The following FOXK2 variants were observed in gnomAD, a reference collection of about 807,000 sequenced individuals.
The protein encoded by FOXK2 is forkhead box protein K2.
Under a neutral mutation model 53.3 loss-of-function variants are expected in FOXK2, and 24 were observed. That is an observed-to-expected ratio of 0.45 (90% CI 0.33 to 0.63). The LOEUF is 0.63. FOXK2 is among the 30% of genes least tolerant of loss of function. The probability of loss-of-function intolerance (pLI) is 0.03; values close to 1 mark genes in which losing one functional copy is unlikely to be tolerated. For synonymous variants in FOXK2, 505 were observed against 407.1 expected, an observed-to-expected ratio of 1.24 and a Z score of -2.89; for missense variants, 952 against 910.5, an observed-to-expected ratio of 1.05 and a Z score of -0.59.
At chr17:82,573,536 ACT>A (rs373747209) in intron 4 of FOXK2, among the ~76,000 whole-genome samples, 9,983 of 138,506 alleles carry the variant, frequency 0.072, 349 homozygotes, top group East Asian at 0.11. Context: ...ACACACACAC[ACT>A]CTCTCTCTCT....
intron 4 of FOXK2, chr17:82,576,723 T>G: frequency 1.1e-6 from 1 of 897,684 alleles, no homozygotes; most frequent in Non-Finnish European, 1.7e-6. Context: ...TGCTCTGTAG[T>G]CCAAAACCGT....
At chr17:82,586,892 T>C (rs1256301444) in intron 7 of FOXK2, among the ~76,000 whole-genome samples, 171 bp from the exon 8 acceptor site, 1 of 152,000 alleles carries the variant, frequency 6.6e-6, no homozygotes, top group Non-Finnish European at 1.5e-5. Context: ...CGAGCGAAAC[T>C]CCATCTCAAA....
At chr17:82,587,336 T>C (rs1021740490) in intron 8 of FOXK2, 64 bp downstream of exon 8, 2 of 1,292,304 alleles carry the variant, frequency 1.5e-6, no homozygotes, top group Non-Finnish European at 2.2e-6. Context: ...CCCTTCTCAC[T>C]CGTGGTTTCG....
At chr17:82,545,285 G>A (rs72861060) in intron 1 of FOXK2, among the ~76,000 whole-genome samples, 26,776 of 152,102 alleles carry the variant, frequency 0.18, 2,739 homozygotes, top group Non-Finnish European at 0.24. Context: ...TTCCTATCCC[G>A]AATTCTAAAC....
chr17:82,577,552 C>T (rs1026023873), intron 4 of FOXK2, among the ~76,000 whole-genome samples: 11 of 152,052 alleles, frequency 7.2e-5, no homozygotes, highest in Non-Finnish European at 1.3e-4. Flanking sequence ...GTTAGGGCCC[C>T]GCCGGGCCCT....
intron 1 of FOXK2, among the ~76,000 whole-genome samples, chr17:82,533,173 A>G (rs7350893): frequency 0.21 from 32,258 of 152,142 alleles, 3,792 homozygotes; most frequent in East Asian, 0.39. Context: ...AAGTAGAAGC[A>G]GTATACTCTA....
intron 1 of FOXK2, among the ~76,000 whole-genome samples, chr17:82,551,845 T>A (rs1400063028): frequency 6.6e-6 from 1 of 152,164 alleles, no homozygotes; most frequent in Non-Finnish European, 1.5e-5. Context: ...TTATGTGCTT[T>A]AAGATGACAC....
chr17:82,590,654 C>CA (rs1017544767), intron 8 of FOXK2, among the ~76,000 whole-genome samples: 19 of 151,936 alleles, frequency 1.3e-4, no homozygotes, highest in South Asian at 2.1e-4. Context: ...CAGACCACTG[C>CA]AAAAAAATGA....
intron 1 of FOXK2, among the ~76,000 whole-genome samples, chr17:82,547,075 T>TC (rs2044633215): frequency 1.0e-5 from 1 of 97,136 alleles, no homozygotes; most frequent in Non-Finnish European, 2.0e-5. Flanking sequence ...AAAAACTCCA[T>TC]CAAAAAAAAA....
At position 82,582,831 on chromosome 17, in the gene FOXK2, A is replaced by G. The variant is rs2045080017; in HGVS notation, c.1000A>G (p.Ile334Val). The G allele has an allele frequency of 6.2e-7, 1 of 1,613,516 alleles. No individual in the cohort carries two copies. The highest frequency in any genetic ancestry group is 8.5e-7 in the Non-Finnish European group (1 of 1,179,876). ...EEPGKGSFWR[I>V]DPASESKLIE... ...ACCAGGCAAAGGCTCGTTCTGGAGG[A>G]TAGACCCAGCCTCTGAAAGCAAATT... The change falls in exon 5 of 9, where the codon ATA (isoleucine) becomes GTA (valine). Residue 334 changes from isoleucine to valine, a missense_variant. Coordinates refer to ENST00000335255, the MANE Select transcript of FOXK2 (RefSeq NM_004514.4).
intron 4 of FOXK2, among the ~76,000 whole-genome samples, chr17:82,580,028 C>G (rs2045039896): frequency 9.0e-6 from 1 of 110,838 alleles, no homozygotes; most frequent in African/African-American, 3.6e-5. Context: ...CCATGTCGCC[C>G]ATGAAGTAGC....
chr17:82,539,260 T>C (rs1044743111), intron 1 of FOXK2, among the ~76,000 whole-genome samples: 9 of 145,278 alleles, frequency 6.2e-5, no homozygotes, highest in African/African-American at 2.3e-4. Context: ...ACCCCTAATC[T>C]CAGCACTGTA....
intron 2 of FOXK2, among the ~76,000 whole-genome samples, chr17:82,566,138 G>T (rs1188342432): frequency 6.6e-6 from 1 of 152,124 alleles, no homozygotes; most frequent in African/African-American, 2.4e-5. Flanking sequence ...TTCTGGAGCG[G>T]GGTGGTGTGA....
chr17:82,519,980 C>A lies in FOXK2; in HGVS notation c.92C>A (p.Pro31Gln). The change falls in exon 1 of 9, where the codon CCG becomes CAG. Residue 31 changes from proline (P) to glutamine (Q), a missense_variant. This residue lies in a region of FOXK2 where 163 missense variants were observed against 165.5 expected (regional missense o/e 0.98). Transcript: ENST00000335255. ...GGGGAGGGGSPPGGWAVARLE... is the reference protein window; with the variant it reads ...GGGGAGGGGSQPGGWAVARLE... The stretch of plus-strand genomic sequence containing the variant: ...GGCGGGGCCGGGGGCGGCGGGTCCC[C>A]GCCGGGCGGCTGGGCCGTGGCGCGC... The A allele has an allele frequency of 1.5e-6, 2 of 1,307,666 alleles. No homozygotes were observed. Among genetic ancestry groups the A allele is most frequent in the Non-Finnish European group, 2.0e-6 (2 of 1,018,176 alleles). The allele number at this position is 1,307,666 out of a possible 1,614,324, so 81.0% of individuals were successfully genotyped here.
intron 4 of FOXK2, chr17:82,572,244 G>A (rs963961797): frequency 3.6e-5 from 6 of 166,236 alleles, no homozygotes; most frequent in Non-Finnish European, 2.6e-5. Flanking sequence ...GCATTCTCCT[G>A]TCTTCCTCAT....
chr17:82,601,088 C>A (rs2045377301), intron 8 of FOXK2: 2 of 506,536 alleles, frequency 3.9e-6, no homozygotes, highest in African/African-American at 1.9e-5. Flanking sequence ...CCCAAGGGCC[C>A]AGCCCAGGCT....
intron 4 of FOXK2, among the ~76,000 whole-genome samples, chr17:82,581,920 T>C (rs1331886033): frequency 6.6e-6 from 1 of 152,204 alleles, no homozygotes; most frequent in Non-Finnish European, 1.5e-5. Flanking sequence ...AGGGAAATTT[T>C]TCCTGTGTAC....
chr17:82,538,816 G>T (rs951268001), intron 1 of FOXK2, among the ~76,000 whole-genome samples: 1 of 152,152 alleles, frequency 6.6e-6, no homozygotes, highest in Non-Finnish European at 1.5e-5. Context: ...CCAGAGAAGG[G>T]ACTTGTACCC....
chr17:82,553,173 T>C (rs1200126445), intron 1 of FOXK2, among the ~76,000 whole-genome samples: 6 of 152,212 alleles, frequency 3.9e-5, no homozygotes, highest in Non-Finnish European at 7.3e-5. Flanking sequence ...TGAGCTCAGG[T>C]GATCTGCCTG....
Sources: gnomAD v4.1 joint callset for allele counts (sites outside exome capture counted in the v4.1 genomes callset) on GRCh38, gnomAD v4.1.1 for gene constraint, gnomAD v4.1.1 regional missense constraint, MANE v1.5 for transcripts, NCBI Gene and HGNC (gene_info 2026-07-23, HGNC 2026-07-21) for gene names.